The following ANKAR variants were observed in gnomAD, a reference collection of about 807,000 sequenced individuals.
The protein encoded by ANKAR is ankyrin and armadillo repeat containing, also known as ankyrin and armadillo repeat-containing protein.
In ANKAR, 136 loss-of-function variants were observed where a neutral mutation model predicts 146.2. The ratio of observed to expected loss-of-function variants is 0.93; its 90% CI spans 0.81 to 1.07. ANKAR has a LOEUF of 1.07. Ranked by LOEUF, ANKAR falls within the 50% of genes least tolerant of loss-of-function variation. ANKAR has a pLI of 0.00. For synonymous variants in ANKAR, 500 were observed against 575.8 expected, an observed-to-expected ratio of 0.87 and a Z score of 1.88; for missense variants, 1,567 against 1,679.9, an observed-to-expected ratio of 0.93 and a Z score of 1.18.
rs2043639233 is a variant in ANKAR, at chr2:189,743,358, T to A, written c.3894T>A (p.Asn1298Lys). 6.2e-7 allele frequency: 1 copy of A among 1,613,910 alleles called. No individual in the cohort carries two copies. The change falls in exon 21 of 23, where the codon AAT (asparagine) becomes AAA (lysine). Residue 1298 changes from asparagine (N) to lysine (K), a missense_variant. Asn to Lys is a moderately conservative substitution (Grantham distance 94). Coordinates refer to ENST00000684021, the MANE Select transcript of ANKAR (RefSeq NM_001378068.1). Reference protein sequence around the residue: ...AFRILLKECRNKPNQFIRIKN... With the variant: ...AFRILLKECRKKPNQFIRIKN... ...GCATCCTATTAAAAGAATGCAGGAATAAACCTAATCAGTTCATTCGTATAA... is the reference window on the plus strand; with the variant it reads ...GCATCCTATTAAAAGAATGCAGGAAAAAACCTAATCAGTTCATTCGTATAA...
At chr2:189,677,242 C>T (rs1388497851) in intron 2 of ANKAR, 151 bp downstream of exon 2, 6 of 616,530 alleles carry the variant, frequency 9.7e-6, no homozygotes, top group Middle Eastern at 4.8e-4. Context: ...TGAGCCGCTG[C>T]ACCTGGCCAC....
intron 22 of ANKAR, among the ~76,000 whole-genome samples, 172 bp from the exon 23 acceptor site, chr2:189,746,208 T>C (rs531418319): frequency 2.8e-4 from 43 of 152,324 alleles, no homozygotes; most frequent in African/African-American, 9.6e-4. Context: ...TAGCAAACCA[T>C]ATAGTGGTCC....
At chr2:189,760,852 A>G (rs946409180) in intron 18 of ANKAR, among the ~76,000 whole-genome samples, 2 of 152,168 alleles carry the variant, frequency 1.3e-5, no homozygotes, top group African/African-American at 4.8e-5. Context: ...TAATAATCTA[A>G]TAACACAGGT....
rs1312367645 is a variant in ANKAR, at chr2:189,695,042, TG to T, written c.1373del (p.Gly458GlufsTer3). ...FYQQLYKTQW[W>X]GAINEIVNNL... Reference sequence around the variant, plus strand: ...TCAGCAACTATATAAGACACAGTGGTGGGGAGCCATAAATGAAATAGTGAAC... The same window carrying T: ...TCAGCAACTATATAAGACACAGTGGTGGGAGCCATAAATGAAATAGTGAAC... On this transcript the variant is annotated frameshift_variant, in exon 6 of 23. Coordinates refer to ENST00000684021, the MANE Select transcript of ANKAR (RefSeq NM_001378068.1). LOFTEE classifies it high-confidence loss of function. 3.7e-6 allele frequency: 6 copies of T among 1,611,156 alleles called. No homozygotes were observed. In the African/African-American group the frequency reaches 6.7e-5, roughly 18 times the overall value.
chr2:189,738,358 T>G (rs1220671300), intron 18 of ANKAR, among the ~76,000 whole-genome samples: 2 of 152,132 alleles, frequency 1.3e-5, no homozygotes, highest in East Asian at 1.9e-4. Flanking sequence ...AGAATAATAG[T>G]ACCCCCTATG....
chr2:189,756,816 G>T (rs575047920), intron 18 of ANKAR, among the ~76,000 whole-genome samples: 1 of 152,198 alleles, frequency 6.6e-6, no homozygotes, highest in Non-Finnish European at 1.5e-5. Flanking sequence ...GATCCTTAGA[G>T]CCCATCCTAT....
intron 2 of ANKAR, among the ~76,000 whole-genome samples, chr2:189,688,997 G>A (rs1054820178): frequency 6.6e-6 from 1 of 152,134 alleles, no homozygotes; most frequent in Non-Finnish European, 1.5e-5. Flanking sequence ...TGAACGGGCC[G>A]TAATTCTTTT....
At chr2:189,761,596 T>G (rs371744999), downstream of ANKAR, 624 of 1,608,772 alleles carry the variant, frequency 3.9e-4, 4 homozygotes, top group Middle Eastern at 9.8e-3. Flanking sequence ...CTTTCCTTTT[T>G]GATGGTTTAA....
At chr2:189,717,949 CAG>C (rs2105767392) in intron 10 of ANKAR, among the ~76,000 whole-genome samples, 1 of 151,934 alleles carries the variant, frequency 6.6e-6, no homozygotes, top group Admixed American at 6.6e-5. Flanking sequence ...GGGTGGGAGG[CAG>C]GGGGAGGGAC....
intron 16 of ANKAR, among the ~76,000 whole-genome samples, chr2:189,731,448 A>G (rs1464790829): frequency 1.4e-5 from 2 of 145,188 alleles, no homozygotes; most frequent in Non-Finnish European, 3.0e-5. Flanking sequence ...ATCTCAGCTC[A>G]CTGCAACCTC....
intron 7 of ANKAR, among the ~76,000 whole-genome samples, chr2:189,700,529 T>C (rs2105610300): frequency 6.6e-6 from 1 of 152,368 alleles, no homozygotes; most frequent in Non-Finnish European, 1.5e-5. Context: ...CATTTATCCT[T>C]TATTTGTGTT....
chr2:189,707,081 C>G lies in ANKAR; in HGVS notation c.2054C>G (p.Thr685Arg). The change falls in exon 9 of 23, where the codon ACA (threonine) becomes AGA (arginine). Residue 685 changes from threonine (T) to arginine (R), a missense_variant. Transcript: ENST00000684021. ...IIHLSVLTFH[T>R]EVLKYIIKLN... is the part of the protein sequence containing the mutation. The stretch of plus-strand genomic sequence containing the variant: ...CATTTATCAGTGTTAACCTTTCATA[C>G]AGAGGTTCTCAAATATATAATAAAA... The G allele has an allele frequency of 6.2e-7, 1 of 1,604,408 alleles. No homozygotes were observed. Among genetic ancestry groups the G allele is most frequent in the South Asian group, 1.1e-5 (1 of 88,992 alleles).
intron 12 of ANKAR, 70 bp from the exon 13 acceptor site, chr2:189,727,785 AT>A: frequency 2.6e-6 from 4 of 1,511,192 alleles, no homozygotes; most frequent in Non-Finnish European, 2.7e-6. Flanking sequence ...TGGGAAACTA[AT>A]GATATGCTGC....
downstream of ANKAR, among the ~76,000 whole-genome samples, chr2:189,750,279 A>T (rs1205755965): frequency 6.6e-6 from 1 of 152,176 alleles, no homozygotes; most frequent in Non-Finnish European, 1.5e-5. Flanking sequence ...AGAATTCAGC[A>T]AAATTACTGT....
At chr2:189,761,796 G>A (rs1210471374), downstream of ANKAR, 3 of 797,304 alleles carry the variant, frequency 3.8e-6, no homozygotes, top group Non-Finnish European at 5.4e-6. Context: ...AGCAACATGG[G>A]AATATAAATA....
chr2:189,760,559 G>A (rs1172099576), intron 18 of ANKAR, among the ~76,000 whole-genome samples: 2 of 152,216 alleles, frequency 1.3e-5, no homozygotes, highest in Non-Finnish European at 2.9e-5. Flanking sequence ...TTGGGAGGCC[G>A]AGGTAGGTGG....
At chr2:189,736,606 T>A (rs1241902753) in intron 17 of ANKAR, among the ~76,000 whole-genome samples, 1 of 149,994 alleles carries the variant, frequency 6.7e-6, no homozygotes, top group Non-Finnish European at 1.5e-5. Flanking sequence ...TGAACCTAAA[T>A]GTTCCCACCC....
chr2:189,750,739 G>T, downstream of ANKAR: 1 of 977,440 alleles, frequency 1.0e-6, no homozygotes, highest in Non-Finnish European at 1.5e-6. Context: ...TTAGAATTCT[G>T]ATGGTATAAA....
At position 189,730,517 on chromosome 2, in the gene ANKAR, TGTCAGTCAACAATTG is replaced by T; in HGVS notation, c.3219_3233del (p.Ser1074_Val1078del). The T allele has an allele frequency of 6.2e-7, 1 of 1,603,500 alleles. No individual in the cohort carries two copies. Among genetic ancestry groups the T allele is most frequent in the Non-Finnish European group, 8.5e-7 (1 of 1,174,152 alleles). ...CAGGTGTAGCCCATACAAGCAATCCTGTCAGTCAACAATTGGTTGTAGATGAAAATGCCTTTCCAG... is the reference window on the plus strand; with the variant it reads ...CAGGTGTAGCCCATACAAGCAATCCTGTTGTAGATGAAAATGCCTTTCCAG... On this transcript the variant is annotated inframe_deletion, in exon 16 of 23. Transcript: ENST00000684021.
Sources: allele counts gnomAD v4.1 joint callset (sites outside exome capture counted in the v4.1 genomes callset), GRCh38; gene constraint gnomAD v4.1.1; transcripts MANE v1.5; gene names NCBI Gene and HGNC (gene_info 2026-07-23, HGNC 2026-07-21).